POFUT2: variants seen among roughly 807,000 people sequenced by gnomAD.
POFUT2 encodes the protein GDP-fucose protein O-fucosyltransferase 2.
A neutral mutation model predicts 55.0 loss-of-function variants in POFUT2; 30 were observed. That is an observed-to-expected ratio of 0.55 (90% CI 0.41 to 0.74). The LOEUF is 0.74. Ranked by LOEUF, POFUT2 falls within the 30% of genes least tolerant of loss-of-function variation. The pLI is 0.00. For synonymous variants in POFUT2, 267 were observed against 231.1 expected (o/e 1.16, Z -1.41); for missense variants, 524 against 562.6 (o/e 0.93, Z 0.69).
rs540852345 is a variant in POFUT2, at chr21:45,274,757, T to A, written c.831+2260A>T. ...GGTGTGGGGATATTGGCAGCCCACA[T>A]GTAGAAGAATGAAACTGGATCATCA... is the stretch of plus-strand genomic sequence containing the variant. On this transcript the variant is annotated intron_variant, in intron 6 of 8. Coordinates refer to ENST00000349485, the MANE Select transcript of POFUT2 (RefSeq NM_133635.6). 1.7e-4 allele frequency among the ~76,000 whole-genome samples: 26 copies of A among 152,276 alleles called. No homozygotes were observed. In the South Asian group the frequency reaches 5.4e-3, roughly 32 times the overall value.
rs1470212005 is a variant in POFUT2 at position 45,265,259 on chromosome 21, C to T, written c.*223G>A. On this transcript the variant is annotated 3_prime_UTR_variant, in exon 9 of 9. Transcript: ENST00000349485. The surrounding 1 kb of genome is among the most constrained non-coding windows in gnomAD (Gnocchi z 4.6). Reference sequence around the variant, plus strand: ...ACAGACGCTGCCTGAAAACAACCGCCACCCCCGAGAGCAGCGGAGCCTCTT... The same window carrying T: ...ACAGACGCTGCCTGAAAACAACCGCTACCCCCGAGAGCAGCGGAGCCTCTT... The T allele has an allele frequency of 4.9e-6, 2 of 407,836 alleles. No homozygotes were observed. The highest frequency in any genetic ancestry group is 8.7e-6 in the Non-Finnish European group (2 of 230,190). 25.3% of individuals were successfully genotyped at this position (407,836 alleles called of 1,614,324 possible).
chr21:45,273,330 C>T (rs552220935), intron 6 of POFUT2, among the ~76,000 whole-genome samples: 3 of 152,002 alleles, frequency 2.0e-5, no homozygotes, highest in Non-Finnish European at 4.4e-5. Context: ...AGATATAGAC[C>T]AGGAAGAAAT....
At chr21:45,271,236 CACTT>C (rs2093217454) in intron 6 of POFUT2, among the ~76,000 whole-genome samples, 2 of 151,876 alleles carry the variant, frequency 1.3e-5, no homozygotes, top group African/African-American at 2.4e-5. Context: ...ATGAAAGACA[CACTT>C]AAAGAAACGA....
At chr21:45,276,478 A>G (rs533451580) in intron 6 of POFUT2, among the ~76,000 whole-genome samples, 141 of 152,308 alleles carry the variant, frequency 9.3e-4, no homozygotes, top group Non-Finnish European at 1.8e-3. Context: ...CTTAAAAACA[A>G]TATCAAGTTG....
chr21:45,265,570 C>A lies in POFUT2; in HGVS notation c.1202G>T (p.Gly401Val), dbSNP rs1457515486. The change falls in exon 9 of 9, where the codon GGG (glycine) becomes GTG (valine). Residue 401 changes from glycine (G) to valine (V), a missense_variant. Physicochemically the swap from Gly to Val is moderately radical, Grantham distance 109. Transcript: ENST00000349485. This position sits in a 1 kb window ranked among gnomAD's most constrained non-coding sequence, Gnocchi z 4.6. Reference protein sequence around the residue: ...FRIHEEREILGLDPKTTYNRF... With the variant: ...FRIHEEREILVLDPKTTYNRF... ...GTTGTACGTCGTCTTGGGGTCCAACCCCAGGATTTCTCTTTCCTCATGAAT... is the reference window on the plus strand; with the variant it reads ...GTTGTACGTCGTCTTGGGGTCCAACACCAGGATTTCTCTTTCCTCATGAAT... 2.9e-5 allele frequency: 46 copies of A among 1,613,998 alleles called. No homozygotes were observed. The highest frequency in any genetic ancestry group is 3.3e-5 in the Non-Finnish European group (39 of 1,180,004).
chr21:45,281,995 G>C lies in POFUT2; in HGVS notation c.638+354C>G, dbSNP rs548624863. ...AACAGTGGGTGTTGGGTGTGGGGAG[G>C]GGGGAGGTACTGGTAAAAGCTGCCC... On this transcript the variant is annotated intron_variant, in intron 4 of 8. Coordinates refer to ENST00000349485, the MANE Select transcript of POFUT2 (RefSeq NM_133635.6). This position sits in a 1 kb window ranked among gnomAD's most constrained non-coding sequence, Gnocchi z 5.0. Among the ~76,000 whole-genome samples the C allele has an allele frequency of 4.6e-5, 7 of 152,204 alleles. No homozygotes were observed. Among genetic ancestry groups the C allele is most frequent in the African/African-American group, 1.4e-4 (6 of 41,526 alleles).
At position 45,285,284 on chromosome 21, in the gene POFUT2, T is replaced by TGCACTGAGACACCACGAAGCATAC. The variant is rs1196927133; in HGVS notation, c.382+370_382+393dup. 3.5e-6 allele frequency: 1 copy of TGCACTGAGACACCACGAAGCATAC among 289,610 alleles called. No homozygotes were observed. Among genetic ancestry groups the TGCACTGAGACACCACGAAGCATAC allele is most frequent in the Non-Finnish European group, 6.8e-6 (1 of 146,558 alleles). The allele number at this position is 289,610 out of a possible 1,614,324, so 17.9% of individuals were successfully genotyped here. The stretch of plus-strand genomic sequence containing the variant: ...CGAGACAGACCTTTATCCCTGGCGC[T>TGCACTGAGACACCACGAAGCATAC]GCACTGAGACACCACGAAGCATACT... On this transcript the variant is annotated intron_variant, in intron 2 of 8. Coordinates refer to ENST00000349485, the MANE Select transcript of POFUT2 (RefSeq NM_133635.6). The surrounding 1 kb of genome is among the most constrained non-coding windows in gnomAD (Gnocchi z 4.9).
At position 45,284,172 on chromosome 21, in the gene POFUT2, G is replaced by T. The variant is rs986637066; in HGVS notation, c.383-645C>A. Among the ~76,000 whole-genome samples, 1 of 151,508 alleles carries T rather than the reference G, an allele frequency of 6.6e-6. No homozygotes were observed. Among genetic ancestry groups the T allele is most frequent in the African/African-American group, 2.4e-5 (1 of 41,272 alleles). On this transcript the variant is annotated intron_variant, in intron 2 of 8. Coordinates refer to ENST00000349485, the MANE Select transcript of POFUT2 (RefSeq NM_133635.6). This position sits in a 1 kb window ranked among gnomAD's most constrained non-coding sequence, Gnocchi z 5.8. ...CAGGAACAAAGCGGGAGGGAGCACC[G>T]CGCAGGTGAAATTCTGGGGCAGGAA...
chr21:45,276,871 T>C (rs1445713954), intron 6 of POFUT2, 146 bp downstream of exon 6: 40 of 856,970 alleles, frequency 4.7e-5, no homozygotes, highest in Non-Finnish European at 6.2e-5. Flanking sequence ...AGGTCATTAC[T>C]GTGACTCACA....
chr21:45,283,625 A>G (rs1448166003), intron 2 of POFUT2, 98 bp from the exon 3 acceptor site: 2 of 1,231,866 alleles, frequency 1.6e-6, no homozygotes, highest in East Asian at 2.3e-5. Context: ...ACTACTGTAC[A>G]CCACCCTATT....
At chr21:45,271,274 T>C (rs984028245) in intron 6 of POFUT2, among the ~76,000 whole-genome samples, 3 of 152,080 alleles carry the variant, frequency 2.0e-5, no homozygotes, top group Admixed American at 6.5e-5. Flanking sequence ...GTTTCAATAA[T>C]AGACTAGAAC....
rs901463940 is a variant in POFUT2 at position 45,284,216 on chromosome 21, C to T, written c.383-689G>A. Among the ~76,000 whole-genome samples the T allele has an allele frequency of 9.2e-5, 14 of 151,974 alleles. No homozygotes were observed. The highest frequency in any genetic ancestry group is 7.9e-4 in the Admixed American group (12 of 15,278). ...GCAGGAACAAAGCGGGAGGGAGCAT[C>T]GCGCAGGTGAAGTTCTGGGGCAGGA... On this transcript the variant is annotated intron_variant, in intron 2 of 8. Transcript: ENST00000349485. The surrounding 1 kb of genome is among the most constrained non-coding windows in gnomAD (Gnocchi z 5.8).
chr21:45,267,280 A>G lies in POFUT2; in HGVS notation c.1136+310T>C, dbSNP rs2093164662. The G allele has an allele frequency of 2.1e-6, 3 of 1,445,422 alleles. No homozygotes were observed. Among genetic ancestry groups the G allele is most frequent in the Admixed American group, 2.7e-5 (1 of 36,846 alleles). 89.5% of individuals were successfully genotyped at this position (1,445,422 alleles called of 1,614,324 possible). A position where few individuals can be genotyped will look rare whatever the true frequency, so the allele number is the denominator to read the frequency against. The stretch of plus-strand genomic sequence containing the variant: ...GCAACTCTCAGGGCAGGGGGCAGAC[A>G]GGGGCAGAAACCGGGAATGATGGGA... On this transcript the variant is annotated intron_variant, in intron 8 of 8. Transcript: ENST00000349485. This position sits in a 1 kb window ranked among gnomAD's most constrained non-coding sequence, Gnocchi z 4.4.
At position 45,282,117 on chromosome 21, in the gene POFUT2, C is replaced by T. The variant is rs1458244820; in HGVS notation, c.638+232G>A. ...TGCACCTGGCCGGGCCGAGCCCTCACCTCTGTGCCCCTCACCCGCTGTCCA... is the reference window on the plus strand; with the variant it reads ...TGCACCTGGCCGGGCCGAGCCCTCATCTCTGTGCCCCTCACCCGCTGTCCA... On this transcript the variant is annotated intron_variant, in intron 4 of 8. Coordinates refer to ENST00000349485, the MANE Select transcript of POFUT2 (RefSeq NM_133635.6). The surrounding 1 kb of genome is among the most constrained non-coding windows in gnomAD (Gnocchi z 4.6). Among the ~76,000 whole-genome samples, 2 of 152,084 alleles carry T rather than the reference C, an allele frequency of 1.3e-5. No individual in the cohort carries two copies. The highest frequency in any genetic ancestry group is 2.9e-5 in the Non-Finnish European group (2 of 67,980).
At chr21:45,271,891 AAAG>A (rs1320856800) in intron 6 of POFUT2, among the ~76,000 whole-genome samples, 1 of 152,264 alleles carries the variant, frequency 6.6e-6, no homozygotes, top group African/African-American at 2.4e-5. Context: ...AAGAAATGTT[AAAG>A]AAGTTCTAAA....
At position 45,265,944 on chromosome 21, in the gene POFUT2, A is replaced by C; in HGVS notation, c.1137-309T>G. ...TGGGAGCCCTCCTCTCCGTCACCAA[A>C]TCCCAGGCCAGGCACGCCAGTGCAG... On this transcript the variant is annotated intron_variant, in intron 8 of 8. Transcript: ENST00000349485. The surrounding 1 kb of genome is among the most constrained non-coding windows in gnomAD (Gnocchi z 4.6). 8 of 1,256,906 alleles carry C rather than the reference A, an allele frequency of 6.4e-6. No homozygotes were observed. The highest frequency in any genetic ancestry group is 8.4e-5 in the East Asian group (2 of 23,804). 77.9% of individuals were successfully genotyped at this position (1,256,906 alleles called of 1,614,324 possible).
rs1430184124 is a variant in POFUT2, at chr21:45,282,908, T to A, written c.528-449A>T. On this transcript the variant is annotated intron_variant, in intron 3 of 8. Coordinates refer to ENST00000349485, the MANE Select transcript of POFUT2 (RefSeq NM_133635.6). This position sits in a 1 kb window ranked among gnomAD's most constrained non-coding sequence, Gnocchi z 4.6. ...GTAGTGTCAGAGCCTTTAATGGCAA[T>A]CGACACTTGGGACTGACAAGACCTC... 1 of 474,174 alleles carries A rather than the reference T, an allele frequency of 2.1e-6. No homozygotes were observed. Among genetic ancestry groups the A allele is most frequent in the African/African-American group, 2.0e-5 (1 of 50,336 alleles). The allele number at this position is 474,174 out of a possible 1,614,324, so 29.4% of individuals were successfully genotyped here. A position where few individuals can be genotyped will look rare whatever the true frequency, so the allele number is the denominator to read the frequency against.
At chr21:45,268,234 C>G (rs921850183) in intron 7 of POFUT2, among the ~76,000 whole-genome samples, 2 of 152,274 alleles carry the variant, frequency 1.3e-5, no homozygotes, top group Non-Finnish European at 2.9e-5. Flanking sequence ...ATCCGCCAGC[C>G]TCGGCCTCCC....
chr21:45,269,201 C>T (rs1304766076), intron 7 of POFUT2, among the ~76,000 whole-genome samples: 4 of 148,942 alleles, frequency 2.7e-5, no homozygotes, highest in African/African-American at 7.5e-5. Flanking sequence ...CCGCCCCGTC[C>T]GGGAGGTGAG....
Sources: gnomAD v4.1 joint callset for allele counts (sites outside exome capture counted in the v4.1 genomes callset) on GRCh38, gnomAD v4.1.1 for gene constraint, Gnocchi (gnomAD v3.1) non-coding constraint, MANE v1.5 for transcripts, NCBI Gene and HGNC (gene_info 2026-07-23, HGNC 2026-07-21) for gene names.